The following DYSF variants were observed in gnomAD, a reference collection of about 807,000 sequenced individuals.
The protein encoded by DYSF is dysferlin, also known as dystrophy-associated fer-1-like 1.
In DYSF, 212 loss-of-function variants were observed where a neutral mutation model predicts 274.9. The observed-to-expected ratio is 0.77, with a 90% CI of 0.69 to 0.86. The LOEUF (loss-of-function observed/expected upper bound fraction) is 0.86. Among genes scored for constraint, DYSF ranks in the 40% least tolerant of loss-of-function variants. The probability of loss-of-function intolerance (pLI) is 0.00; values close to 1 mark genes in which losing one functional copy is unlikely to be tolerated. For synonymous variants in DYSF, 1,091 were observed against 1,078.7 expected (o/e 1.01, Z -0.22); for missense variants, 2,666 against 2,783.2 (o/e 0.96, Z 0.95).
intron 29 of DYSF, among the ~76,000 whole-genome samples, chr2:71,572,408 C>T (rs181311231): frequency 3.5e-4 from 53 of 152,372 alleles, no homozygotes; most frequent in Admixed American, 3.0e-3. Flanking sequence ...CTCAGATGCC[C>T]ATGATTACAG....
At position 71,615,717 on chromosome 2, in the gene DYSF, G is replaced by C. The variant is rs960431229; in HGVS notation, c.4464+2307G>C. ...ACCCCGGGTGCAGTTCCAGTGGTTT[G>C]CTAGATAACTATGGCTGGGCTTTCT... is the stretch of plus-strand genomic sequence containing the variant. On this transcript the variant is annotated intron_variant, in intron 40 of 55. Transcript: ENST00000410020. The surrounding 1 kb of genome is among the most constrained non-coding windows in gnomAD (Gnocchi z 4.9). Among the ~76,000 whole-genome samples, 1 of 152,200 alleles carries C rather than the reference G, an allele frequency of 6.6e-6. No individual in the cohort carries two copies. The highest frequency in any genetic ancestry group is 1.5e-5 in the Non-Finnish European group (1 of 68,032).
At chr2:71,566,353 C>CA (rs773800974) in intron 24 of DYSF, among the ~76,000 whole-genome samples, 10,930 of 49,452 alleles carry the variant, frequency 0.22, 949 homozygotes, top group Non-Finnish European at 0.24. Context: ...TGGTTTCAAG[C>CA]AAAAAAAAAA....
intron 1 of DYSF, among the ~76,000 whole-genome samples, chr2:71,473,165 C>T (rs1573335357): frequency 6.6e-6 from 1 of 152,188 alleles, no homozygotes; most frequent in Non-Finnish European, 1.5e-5. Context: ...GTGTCCAGGC[C>T]TGAGAACACC....
intron 52 of DYSF, 33 bp downstream of exon 52, chr2:71,674,329 A>C: frequency 6.3e-7 from 1 of 1,596,452 alleles, no homozygotes; most frequent in Non-Finnish European, 8.6e-7. Context: ...CATTCTGCAC[A>C]TGGGGGCTGC....
chr2:71,478,415 G>A (rs1254668637), intron 1 of DYSF, among the ~76,000 whole-genome samples: 1 of 151,956 alleles, frequency 6.6e-6, no homozygotes. Flanking sequence ...GTTTCACCGT[G>A]TTAGCCAGGA....
chr2:71,571,299 ACAGATTACACCTAGCACACC>A (rs1375411978), intron 29 of DYSF, among the ~76,000 whole-genome samples: 1 of 150,168 alleles, frequency 6.7e-6, no homozygotes, highest in African/African-American at 2.5e-5. Context: ...CCTAGCACAC[ACAGATTACACCTAGCACACC>A]CAGCACACGC....
rs2087894421 is a variant in DYSF at position 71,526,300 on chromosome 2, A to G, written c.1230A>G (p.Gly410=). Residue 410 remains glycine (G), a synonymous_variant, in exon 13 of 56, where the codon GGA becomes GGG. Transcript: ENST00000410020. ...GGCCCACAGGCGTAGCCCTGCGAGGAGCCCACTTCTGCCTGAAGGTCTTCC... is the reference window on the plus strand; with the variant it reads ...GGCCCACAGGCGTAGCCCTGCGAGGGGCCCACTTCTGCCTGAAGGTCTTCC... ...LLRPTGVALR[G]AHFCLKVFRA... is the part of the protein sequence containing the mutation. The G allele has an allele frequency of 6.2e-7, 1 of 1,614,086 alleles. No homozygotes were observed. Among genetic ancestry groups the G allele is most frequent in the Middle Eastern group, 1.6e-4 (1 of 6,062 alleles).
At chr2:71,505,956 C>T (rs2085434593) in intron 4 of DYSF, among the ~76,000 whole-genome samples, 1 of 152,186 alleles carries the variant, frequency 6.6e-6, no homozygotes, top group Admixed American at 6.5e-5. Context: ...TCAGTGAGTC[C>T]CTGAGCTTTC....
intron 41 of DYSF, among the ~76,000 whole-genome samples, chr2:71,641,342 C>A (rs1572905137): frequency 2.0e-5 from 3 of 151,372 alleles, no homozygotes; most frequent in Admixed American, 2.0e-4. Flanking sequence ...CCACGCCCGG[C>A]TAATTTTTTT....
At chr2:71,624,824 T>C (rs2094178068) in intron 41 of DYSF, among the ~76,000 whole-genome samples, 1 of 152,228 alleles carries the variant, frequency 6.6e-6, no homozygotes, top group Non-Finnish European at 1.5e-5. Flanking sequence ...AAGATGCAAC[T>C]GTCTTGTATG....
chr2:71,612,562 C>G (rs1054025721), intron 38 of DYSF, 79 bp from the exon 39 acceptor site: 2 of 1,585,936 alleles, frequency 1.3e-6, no homozygotes, highest in Non-Finnish European at 1.7e-6. Flanking sequence ...GGTTTATAGT[C>G]ATTTTCTGCT....
At chr2:71,593,030 G>T (rs2093313230) in intron 32 of DYSF, among the ~76,000 whole-genome samples, 2 of 152,030 alleles carry the variant, frequency 1.3e-5, no homozygotes, top group Admixed American at 6.5e-5. Context: ...CAGTGGAAGG[G>T]CATCTGTGGT....
At chr2:71,498,019 G>A (rs1468687424) in intron 3 of DYSF, among the ~76,000 whole-genome samples, 1 of 152,080 alleles carries the variant, frequency 6.6e-6, no homozygotes. Flanking sequence ...TGGAGGTTTG[G>A]GGAGATCCTT....
At chr2:71,671,860 G>T (rs947058995) in intron 51 of DYSF, among the ~76,000 whole-genome samples, 1 of 152,302 alleles carries the variant, frequency 6.6e-6, no homozygotes, top group South Asian at 2.1e-4. Flanking sequence ...GGGCCAACCC[G>T]TGGGCGAGTT....
intron 13 of DYSF, 59 bp downstream of exon 13, chr2:71,526,405 T>TGGGGGGGGGGGGGGGGGGGGGGGGGGG: frequency 2.7e-6 from 1 of 370,354 alleles, no homozygotes; most frequent in Non-Finnish European, 3.9e-6. Flanking sequence ...GCAGGGCTGG[T>TGGGGGGGGGGGGGGGGGGGGGGGGGGG]GGGGGTGGGC....
intron 32 of DYSF, among the ~76,000 whole-genome samples, chr2:71,594,023 G>A (rs963046235): frequency 5.3e-5 from 8 of 152,182 alleles, no homozygotes; most frequent in African/African-American, 1.9e-4. Context: ...TGGCCTTACA[G>A]CTCCAGGTAA....
At chr2:71,653,172 G>A (rs2094697193) in intron 42 of DYSF, among the ~76,000 whole-genome samples, 1 of 152,190 alleles carries the variant, frequency 6.6e-6, no homozygotes, top group Admixed American at 6.5e-5. Context: ...AGGTGCTGGA[G>A]AGAATGTGGA....
At position 71,478,485 on chromosome 2, in the gene DYSF, A is replaced by G. The variant is rs569756859; in HGVS notation, c.92-2398A>G. Among the ~76,000 whole-genome samples, 8 of 152,274 alleles carry G rather than the reference A, an allele frequency of 5.3e-5. No individual in the cohort carries two copies. The East Asian group carries it at 1.2e-3, about 22-fold the overall frequency. Reference sequence around the variant, plus strand: ...CTCAGCCTCCCAGAGTGCTGGGATTACAGGTGTGAGCCACCGCGCCCGGCC... The same window carrying G: ...CTCAGCCTCCCAGAGTGCTGGGATTGCAGGTGTGAGCCACCGCGCCCGGCC... On this transcript the variant is annotated intron_variant, in intron 1 of 55. Transcript: ENST00000410020.
At chr2:71,646,239 A>G (rs1487310831) in intron 42 of DYSF, among the ~76,000 whole-genome samples, 1 of 152,248 alleles carries the variant, frequency 6.6e-6, no homozygotes, top group African/African-American at 2.4e-5. Flanking sequence ...TAGGTCTGGC[A>G]TGTGGTCCTG....
Sources: allele counts gnomAD v4.1 joint callset (sites outside exome capture counted in the v4.1 genomes callset), GRCh38; gene constraint gnomAD v4.1.1; non-coding constraint Gnocchi (gnomAD v3.1); transcripts MANE v1.5; gene names NCBI Gene and HGNC (gene_info 2026-07-23, HGNC 2026-07-21).